The following PACRG variants were observed in gnomAD, a reference collection of about 807,000 sequenced individuals.
PACRG encodes parkin coregulated.
PACRG carries 29 observed loss-of-function variants against 29.7 expected under a neutral mutation model. That is an observed-to-expected ratio of 0.98 (90% CI 0.73 to 1.33). The LOEUF is 1.33. Ranked by LOEUF, PACRG falls within the 40% of genes most tolerant of loss-of-function variation. The pLI is 0.00. For missense variants in PACRG, 279 were observed against 316.2 expected, an observed-to-expected ratio of 0.88 and a Z score of 0.89; for synonymous variants, 116 against 118.7, an observed-to-expected ratio of 0.98 and a Z score of 0.15.
At chr6:162,791,676 T>A (rs1442375246) in intron 1 of PACRG, among the ~76,000 whole-genome samples, 2 of 152,170 alleles carry the variant, frequency 1.3e-5, no homozygotes, top group African/African-American at 2.4e-5. Context: ...TGGGCGCTTT[T>A]GCTTCATATC....
At chr6:162,787,648 G>A (rs1464829565) in intron 1 of PACRG, among the ~76,000 whole-genome samples, 2 of 129,958 alleles carry the variant, frequency 1.5e-5, no homozygotes, top group Non-Finnish European at 3.2e-5. Context: ...TTGCTAGGCA[G>A]ACATATGTCT....
intron 4 of PACRG, among the ~76,000 whole-genome samples, chr6:163,276,008 C>CTTTCTTTCTTTCT (rs1784010401): frequency 5.0e-5 from 7 of 140,576 alleles, no homozygotes; most frequent in African/African-American, 1.7e-4. Flanking sequence ...TCCTTCCTTC[C>CTTTCTTTCTTTCT]TTCTTTCTTT....
intron 2 of PACRG, among the ~76,000 whole-genome samples, chr6:162,949,370 G>A (rs1282077502): frequency 6.6e-6 from 1 of 152,102 alleles, no homozygotes; most frequent in Admixed American, 6.6e-5. Context: ...CAGGTAGTTG[G>A]GCAGGAATGA....
intron 2 of PACRG, among the ~76,000 whole-genome samples, chr6:162,823,656 C>T (rs942151139): frequency 6.6e-5 from 10 of 151,884 alleles, no homozygotes; most frequent in South Asian, 2.1e-4. Flanking sequence ...GGACTACAGG[C>T]GCCCGCCACC....
At chr6:163,263,086 G>A (rs932798098) in intron 4 of PACRG, among the ~76,000 whole-genome samples, 1 of 148,198 alleles carries the variant, frequency 6.7e-6, no homozygotes, top group Non-Finnish European at 1.5e-5. Context: ...GTCTGCAATT[G>A]TGAAAAATAA....
chr6:163,115,366 T>A (rs1190534858), intron 4 of PACRG, among the ~76,000 whole-genome samples: 1 of 152,162 alleles, frequency 6.6e-6, no homozygotes, highest in African/African-American at 2.4e-5. Flanking sequence ...TATGCTTTAA[T>A]CTGCATTAAA....
At chr6:162,742,947 G>A (rs887398034) in intron 1 of PACRG, among the ~76,000 whole-genome samples, 10 of 152,154 alleles carry the variant, frequency 6.6e-5, no homozygotes, top group African/African-American at 1.4e-4. Context: ...AGGGACCTCC[G>A]TACTGTTTTT....
intron 2 of PACRG, among the ~76,000 whole-genome samples, chr6:162,942,411 C>A (rs1376724950): frequency 6.6e-6 from 1 of 152,068 alleles, no homozygotes; most frequent in Non-Finnish European, 1.5e-5. Flanking sequence ...ACTTTTCATT[C>A]TATTTTTTTT....
At chr6:163,137,714 G>C (rs1266361841) in intron 4 of PACRG, among the ~76,000 whole-genome samples, 2 of 145,472 alleles carry the variant, frequency 1.4e-5, no homozygotes, top group East Asian at 2.1e-4. Context: ...GGCTGCATCC[G>C]TGTAGACTCA....
At chr6:163,088,206 G>A (rs891748478) in intron 3 of PACRG, among the ~76,000 whole-genome samples, 7 of 152,148 alleles carry the variant, frequency 4.6e-5, no homozygotes, top group African/African-American at 1.7e-4. Flanking sequence ...TCTTTTTATA[G>A]CCTGGGTCCT....
At chr6:163,076,467 G>C (rs931714011) in intron 3 of PACRG, among the ~76,000 whole-genome samples, 1 of 152,062 alleles carries the variant, frequency 6.6e-6, no homozygotes, top group African/African-American at 2.4e-5. Flanking sequence ...ACACAACTTA[G>C]CTCGTAGGGA....
At position 162,938,154 on chromosome 6, in the gene PACRG, G is replaced by GT. The variant is rs949158296; in HGVS notation, c.291+123877dup. Among the ~76,000 whole-genome samples the GT allele has an allele frequency of 2.2e-4, 33 of 152,094 alleles. 1 individual carries two copies. Among genetic ancestry groups the GT allele is most frequent in the Admixed American group, 2.2e-3 (33 of 15,264 alleles). ...TATGAATGAGAACACACAATGTTTGGTTTTCCATTCCTGAGTTACTTCACA... is the reference window on the plus strand; with the variant it reads ...TATGAATGAGAACACACAATGTTTGGTTTTTCCATTCCTGAGTTACTTCACA... On this transcript the variant is annotated intron_variant, in intron 2 of 4. Transcript: ENST00000366888.
chr6:163,111,453 G>T (rs762659985), intron 4 of PACRG, among the ~76,000 whole-genome samples: 8 of 152,224 alleles, frequency 5.3e-5, no homozygotes, highest in Admixed American at 2.6e-4. Flanking sequence ...CATCCACACA[G>T]CTAGTTGAAC....
At chr6:162,824,633 A>T (rs1788125274) in intron 2 of PACRG, among the ~76,000 whole-genome samples, 1 of 152,184 alleles carries the variant, frequency 6.6e-6, no homozygotes, top group South Asian at 2.1e-4. Flanking sequence ...TTTGTGCATT[A>T]ATGGACTATA....
At chr6:162,859,536 C>T (rs1791681502) in intron 2 of PACRG, among the ~76,000 whole-genome samples, 1 of 152,150 alleles carries the variant, frequency 6.6e-6, no homozygotes. Context: ...TTCTCCCTCC[C>T]TCCTTTCCTT....
intron 2 of PACRG, among the ~76,000 whole-genome samples, chr6:162,840,021 G>A (rs1175908010): frequency 3.2e-5 from 4 of 124,160 alleles, no homozygotes; most frequent in African/African-American, 9.6e-5. Flanking sequence ...TTGAAGTCAG[G>A]TAGTGTGATG....
At chr6:162,950,142 T>G (rs1318709560) in intron 2 of PACRG, among the ~76,000 whole-genome samples, 1 of 152,242 alleles carries the variant, frequency 6.6e-6, no homozygotes, top group Non-Finnish European at 1.5e-5. Context: ...TTTCCATTTT[T>G]TCTTTGAACA....
chr6:162,772,999 T>A (rs1032295601), intron 1 of PACRG, among the ~76,000 whole-genome samples: 1 of 151,340 alleles, frequency 6.6e-6, no homozygotes, highest in African/African-American at 2.4e-5. Context: ...GACTATTGGT[T>A]TCTAAAGACT....
At chr6:163,274,737 TTCG>T (rs1783963544) in intron 4 of PACRG, among the ~76,000 whole-genome samples, 1 of 152,244 alleles carries the variant, frequency 6.6e-6, no homozygotes, top group African/African-American at 2.4e-5. Flanking sequence ...TTGTTTTCTA[TTCG>T]TTCTATAATT....
Sources: gnomAD v4.1 joint callset for allele counts (sites outside exome capture counted in the v4.1 genomes callset) on GRCh38, gnomAD v4.1.1 for gene constraint, MANE v1.5 for transcripts, NCBI Gene and HGNC (gene_info 2026-07-23, HGNC 2026-07-21) for gene names.